The following DOK6 variants were observed in gnomAD, a reference collection of about 807,000 sequenced individuals.
DOK6 encodes the protein downstream of tyrosine kinase 6.
Under a neutral mutation model 44.0 loss-of-function variants are expected in DOK6, and 22 were observed. The ratio of observed to expected loss-of-function variants is 0.50; its 90% confidence interval spans 0.36 to 0.71. DOK6 has a LOEUF of 0.71. Ranked by LOEUF, DOK6 falls within the 30% of genes least tolerant of loss-of-function variation. DOK6 has a pLI of 0.00. For missense variants in DOK6, 340 were observed against 416.4 expected, an observed-to-expected ratio of 0.82 and a Z score of 1.60; for synonymous variants, 166 against 145.5, an observed-to-expected ratio of 1.14 and a Z score of -1.01.
chr18:69,526,123 A>G (rs1056335826), intron 1 of DOK6, among the ~76,000 whole-genome samples: 6 of 152,162 alleles, frequency 3.9e-5, no homozygotes, highest in African/African-American at 4.8e-5. Flanking sequence ...AATATATACA[A>G]TTCTGTTGTT....
chr18:69,633,957 G>A (rs1984746950), intron 3 of DOK6, among the ~76,000 whole-genome samples: 1 of 151,924 alleles, frequency 6.6e-6, no homozygotes, highest in Admixed American at 6.6e-5. Context: ...ATATGGAAAA[G>A]TAATATTGAA....
intron 5 of DOK6, among the ~76,000 whole-genome samples, chr18:69,707,731 A>G (rs565900138): frequency 8.5e-5 from 13 of 152,292 alleles, no homozygotes; most frequent in Admixed American, 2.6e-4. Flanking sequence ...CCTTCTGTTC[A>G]TAGCCCTTTC....
At chr18:69,769,482 T>G (rs1979824005) in intron 7 of DOK6, among the ~76,000 whole-genome samples, 1 of 152,150 alleles carries the variant, frequency 6.6e-6, no homozygotes, top group Non-Finnish European at 1.5e-5. Context: ...GAAACTTTTC[T>G]TTGAGATTGA....
At chr18:69,473,124 A>T (rs974683944) in intron 1 of DOK6, among the ~76,000 whole-genome samples, 1 of 152,206 alleles carries the variant, frequency 6.6e-6, no homozygotes, top group African/African-American at 2.4e-5. Flanking sequence ...TGCATAACTG[A>T]TATAACCCTG....
At chr18:69,786,295 T>A (rs543130612) in intron 7 of DOK6, among the ~76,000 whole-genome samples, 38 of 152,320 alleles carry the variant, frequency 2.5e-4, no homozygotes, top group African/African-American at 8.9e-4. Flanking sequence ...TTGAAATATG[T>A]GTTGATCTTA....
chr18:69,791,304 T>C lies in DOK6; in HGVS notation c.856+33431T>C, dbSNP rs368376031. 2.0e-5 allele frequency among the ~76,000 whole-genome samples: 3 copies of C among 152,196 alleles called. No homozygotes were observed. The East Asian group carries it at 5.8e-4, about 29-fold the overall frequency. ...TTGCTGGATCATGTGGTAGCTCTACTTTTGGTTCTTTGAGGAACCTCCAAA... is the reference window on the plus strand; with the variant it reads ...TTGCTGGATCATGTGGTAGCTCTACCTTTGGTTCTTTGAGGAACCTCCAAA... On this transcript the variant is annotated intron_variant, in intron 7 of 7. Coordinates refer to ENST00000382713, the MANE Select transcript of DOK6 (RefSeq NM_152721.6).
intron 4 of DOK6, among the ~76,000 whole-genome samples, chr18:69,683,512 GAT>G (rs1986086734): frequency 6.6e-6 from 1 of 152,248 alleles, no homozygotes; most frequent in Non-Finnish European, 1.5e-5. Flanking sequence ...CTCAGAGATA[GAT>G]ATGGACAAGT....
chr18:69,738,917 AC>A (rs763697821), intron 5 of DOK6, 47 bp from the exon 6 acceptor site: 3 of 1,604,270 alleles, frequency 1.9e-6, no homozygotes, highest in East Asian at 4.5e-5. Flanking sequence ...ACTGTTATGC[AC>A]TTGAACACAT....
chr18:69,670,947 T>C (rs989632994), intron 3 of DOK6, among the ~76,000 whole-genome samples: 1 of 152,062 alleles, frequency 6.6e-6, no homozygotes, highest in African/African-American at 2.4e-5. Context: ...TTTTAAAAAA[T>C]ATCCAATTCC....
intron 6 of DOK6, among the ~76,000 whole-genome samples, chr18:69,752,723 AAC>A (rs1979223375): frequency 6.6e-6 from 1 of 152,184 alleles, no homozygotes; most frequent in Non-Finnish European, 1.5e-5. Context: ...GTTGGCAGAA[AAC>A]ACAAAAAACT....
intron 7 of DOK6, among the ~76,000 whole-genome samples, chr18:69,784,015 T>C (rs897213587): frequency 6.6e-6 from 1 of 152,056 alleles, no homozygotes; most frequent in African/African-American, 2.4e-5. Flanking sequence ...GTAAACCCCA[T>C]CTCTACCAAA....
chr18:69,460,757 G>C (rs190214812), intron 1 of DOK6, among the ~76,000 whole-genome samples: 9 of 152,238 alleles, frequency 5.9e-5, no homozygotes, highest in African/African-American at 2.2e-4. Flanking sequence ...TTAAAATAGT[G>C]GCTTCTTGCC....
At chr18:69,408,726 A>T (rs1978294274) in intron 1 of DOK6, among the ~76,000 whole-genome samples, 1 of 152,202 alleles carries the variant, frequency 6.6e-6, no homozygotes, top group Non-Finnish European at 1.5e-5. Context: ...ATAGTATGAC[A>T]GTGTTAGCTA....
At chr18:69,586,087 G>A (rs2059148886) in intron 2 of DOK6, among the ~76,000 whole-genome samples, 1 of 152,224 alleles carries the variant, frequency 6.6e-6, no homozygotes. Flanking sequence ...GCTGTCAGAT[G>A]TGTGCAGTAA....
At chr18:69,569,467 C>T (rs549300433) in intron 2 of DOK6, among the ~76,000 whole-genome samples, 4 of 152,216 alleles carry the variant, frequency 2.6e-5, no homozygotes, top group East Asian at 1.9e-4. Context: ...AGAGGCTACA[C>T]GTGACAATTA....
chr18:69,478,053 C>T (rs73468826), intron 1 of DOK6, among the ~76,000 whole-genome samples: 1,685 of 152,156 alleles, frequency 0.011, 38 homozygotes, highest in African/African-American at 0.039. Context: ...ACTAATATTA[C>T]CTTAAATTGA....
intron 3 of DOK6, among the ~76,000 whole-genome samples, chr18:69,639,644 C>G (rs1410235023): frequency 6.6e-6 from 1 of 152,004 alleles, no homozygotes; most frequent in African/African-American, 2.4e-5. Context: ...GTATTCCATA[C>G]TAGTTAGGGC....
chr18:69,767,579 C>A (rs1442610169), intron 7 of DOK6, among the ~76,000 whole-genome samples: 1 of 152,046 alleles, frequency 6.6e-6, no homozygotes, highest in African/African-American at 2.4e-5. Context: ...TCATCCACAC[C>A]CACCCTACCA....
chr18:69,426,952 C>T (rs1333902959), intron 1 of DOK6, among the ~76,000 whole-genome samples: 5 of 152,018 alleles, frequency 3.3e-5, no homozygotes, highest in Non-Finnish European at 7.4e-5. Context: ...AAGTATTAAG[C>T]CTAGTGCCCA....
Sources: allele counts gnomAD v4.1 joint callset (sites outside exome capture counted in the v4.1 genomes callset), GRCh38; gene constraint gnomAD v4.1.1; transcripts MANE v1.5; gene names NCBI Gene and HGNC (gene_info 2026-07-23, HGNC 2026-07-21).